KCTD16: variants seen among roughly 807,000 people sequenced by gnomAD.
The protein encoded by KCTD16 is potassium channel tetramerization domain containing 16, also known as BTB/POZ domain-containing protein KCTD16.
A neutral mutation model predicts 33.2 loss-of-function variants in KCTD16; 13 were observed. The observed-to-expected ratio is 0.39, with a 90% CI of 0.25 to 0.62. The LOEUF (loss-of-function observed/expected upper bound fraction) is 0.62. KCTD16 is among the 20% of genes least tolerant of loss of function. The pLI is 0.50. For synonymous variants in KCTD16, 197 were observed against 195.3 expected, an observed-to-expected ratio of 1.01 and a Z score of -0.07; for missense variants, 441 against 525.1, an observed-to-expected ratio of 0.84 and a Z score of 1.57.
At chr5:144,426,346 G>C (rs1413168764) in intron 3 of KCTD16, among the ~76,000 whole-genome samples, 2 of 151,970 alleles carry the variant, frequency 1.3e-5, no homozygotes, top group Non-Finnish European at 2.9e-5. Context: ...TTCTGATCAC[G>C]ACTACTTAAG....
intron 3 of KCTD16, among the ~76,000 whole-genome samples, chr5:144,252,819 A>G (rs975812739): frequency 3.3e-5 from 5 of 151,194 alleles, no homozygotes; most frequent in Admixed American, 3.3e-4. Context: ...ATTATCTTTA[A>G]CTCAGTAATT....
At chr5:144,272,381 G>A (rs1755322350) in intron 3 of KCTD16, among the ~76,000 whole-genome samples, 2 of 152,056 alleles carry the variant, frequency 1.3e-5, no homozygotes, top group African/African-American at 2.4e-5. Context: ...AGTGAGCTGA[G>A]GTTGCACCAT....
intron 3 of KCTD16, among the ~76,000 whole-genome samples, chr5:144,319,898 A>G (rs1186976440): frequency 2.0e-5 from 3 of 152,246 alleles, no homozygotes; most frequent in Admixed American, 6.5e-5. Context: ...TGATAATTGT[A>G]TATATAAAGG....
intron 3 of KCTD16, among the ~76,000 whole-genome samples, chr5:144,467,432 C>A (rs76102158): frequency 0.022 from 3,423 of 152,172 alleles, 120 homozygotes; most frequent in African/African-American, 0.078. Flanking sequence ...TATGCCCTGG[C>A]ATGCTGATCT....
chr5:144,342,250 T>C (rs889572047), intron 3 of KCTD16, among the ~76,000 whole-genome samples: 3 of 152,232 alleles, frequency 2.0e-5, no homozygotes, highest in Non-Finnish European at 2.9e-5. Context: ...TTTTATTTCA[T>C]TGAACAGTGG....
At chr5:144,237,209 A>T (rs1364071285) in intron 3 of KCTD16, among the ~76,000 whole-genome samples, 2 of 151,994 alleles carry the variant, frequency 1.3e-5, no homozygotes, top group Non-Finnish European at 1.5e-5. Flanking sequence ...CTCTTAACCT[A>T]TGGTGAATAT....
intron 3 of KCTD16, among the ~76,000 whole-genome samples, chr5:144,253,616 A>G (rs1754762648): frequency 6.6e-6 from 1 of 152,202 alleles, no homozygotes; most frequent in South Asian, 2.1e-4. Flanking sequence ...GTGTCTATAG[A>G]AAATAACGGA....
chr5:144,237,962 C>T (rs981970227), intron 3 of KCTD16, among the ~76,000 whole-genome samples: 1 of 152,172 alleles, frequency 6.6e-6, no homozygotes, highest in Admixed American at 6.6e-5. Flanking sequence ...TCAGACACTG[C>T]ACAACCTCCT....
intron 3 of KCTD16, among the ~76,000 whole-genome samples, chr5:144,443,131 G>A (rs1753749602): frequency 6.6e-6 from 1 of 152,092 alleles, no homozygotes; most frequent in Admixed American, 6.6e-5. Flanking sequence ...AACGCAGGCA[G>A]GCTGCCCTTA....
chr5:144,233,421 A>G (rs1041571142), intron 3 of KCTD16, among the ~76,000 whole-genome samples: 1 of 152,108 alleles, frequency 6.6e-6, no homozygotes, highest in African/African-American at 2.4e-5. Context: ...GATTTTTGTA[A>G]ACAGTAAGGA....
At chr5:144,338,081 AT>A in intron 3 of KCTD16, among the ~76,000 whole-genome samples, 1 of 152,320 alleles carries the variant, frequency 6.6e-6, no homozygotes, top group South Asian at 2.1e-4. Context: ...TGGAGAAGAG[AT>A]GAGAAAGTAA....
At chr5:144,268,477 G>A (rs1043635086) in intron 3 of KCTD16, among the ~76,000 whole-genome samples, 2 of 152,132 alleles carry the variant, frequency 1.3e-5, no homozygotes, top group Non-Finnish European at 2.9e-5. Flanking sequence ...GGGAAAGTTA[G>A]AAAGTAACTG....
At chr5:144,455,688 G>T (rs1754045968) in intron 3 of KCTD16, among the ~76,000 whole-genome samples, 1 of 152,202 alleles carries the variant, frequency 6.6e-6, no homozygotes, top group African/African-American at 2.4e-5. Context: ...AAGGTTAGCA[G>T]GAGGGTGGAG....
At chr5:144,261,569 A>G (rs1003726889) in intron 3 of KCTD16, among the ~76,000 whole-genome samples, 1 of 152,238 alleles carries the variant, frequency 6.6e-6, no homozygotes, top group East Asian at 1.9e-4. Flanking sequence ...CTCTCCATAG[A>G]GATGGTTCAA....
chr5:144,289,281 T>C (rs1755831872), intron 3 of KCTD16, among the ~76,000 whole-genome samples: 1 of 152,214 alleles, frequency 6.6e-6, no homozygotes, highest in Non-Finnish European at 1.5e-5. Flanking sequence ...CATTTCACCC[T>C]GGGATATTTA....
chr5:144,193,995 C>T (rs1023362253), intron 2 of KCTD16, among the ~76,000 whole-genome samples: 6 of 151,860 alleles, frequency 4.0e-5, no homozygotes, highest in Admixed American at 3.3e-4. Context: ...GCTTAGGACT[C>T]GAGTGTAAGG....
chr5:144,297,833 C>T (rs1172434051), intron 3 of KCTD16, among the ~76,000 whole-genome samples: 6 of 152,238 alleles, frequency 3.9e-5, no homozygotes, highest in African/African-American at 7.2e-5. Flanking sequence ...GAGCCGGCAA[C>T]GGCTACCCTC....
At chr5:144,293,098 C>G (rs1253228277) in intron 3 of KCTD16, among the ~76,000 whole-genome samples, 1 of 152,216 alleles carries the variant, frequency 6.6e-6, no homozygotes, top group Admixed American at 6.5e-5. Flanking sequence ...TCAGTTCTCA[C>G]AGCATCCAAA....
intron 3 of KCTD16, among the ~76,000 whole-genome samples, chr5:144,330,038 C>A (rs1353040321): frequency 4.6e-5 from 7 of 152,040 alleles, no homozygotes; most frequent in Non-Finnish European, 1.0e-4. Flanking sequence ...ATCTAGAGTG[C>A]AAAATAAAGT....
Sources: gnomAD v4.1 joint callset for allele counts (sites outside exome capture counted in the v4.1 genomes callset) on GRCh38, gnomAD v4.1.1 for gene constraint, MANE v1.5 for transcripts, NCBI Gene and HGNC (gene_info 2026-07-23, HGNC 2026-07-21) for gene names.